Variants in AHCYL1 observed in about 807,000 individuals in gnomAD.
AHCYL1 encodes the protein adenosylhomocysteinase like 1, also known as S-adenosylhomocysteine hydrolase-like protein 1.
A neutral mutation model predicts 79.3 loss-of-function variants in AHCYL1; 20 were observed. That is an observed-to-expected ratio of 0.25 (90% CI 0.18 to 0.37). The LOEUF (loss-of-function observed/expected upper bound fraction) is 0.37, where lower values mean the gene tolerates loss of function less well. AHCYL1 is among the 10% of genes least tolerant of loss of function. The pLI, the probability that AHCYL1 is intolerant of heterozygous loss-of-function variation, is 1.00. For missense variants in AHCYL1, 330 were observed against 673.6 expected (o/e 0.49, Z 5.65); for synonymous variants, 223 against 242.2 (o/e 0.92, Z 0.74).
chr1:110,009,233 A>T, intron 2 of AHCYL1, 88 bp downstream of exon 2: 1 of 1,149,168 alleles, frequency 8.7e-7, no homozygotes, highest in Non-Finnish European at 1.3e-6. Flanking sequence ...AAAATACCTC[A>T]TGTTATGACT....
intron 3 of AHCYL1, among the ~76,000 whole-genome samples, chr1:110,012,032 C>T (rs2101729508): frequency 6.6e-6 from 1 of 152,358 alleles, no homozygotes; most frequent in African/African-American, 2.4e-5. Context: ...ATATAGGAAT[C>T]TATTAGCCAA....
At chr1:109,996,473 G>A (rs115785574) in intron 1 of AHCYL1, among the ~76,000 whole-genome samples, 1,685 of 152,302 alleles carry the variant, frequency 0.011, 18 homozygotes, top group South Asian at 0.042. Flanking sequence ...TGACATTCTT[G>A]TGAGGTTATT....
intron 15 of AHCYL1, among the ~76,000 whole-genome samples, chr1:110,020,411 C>T (rs1454828888): frequency 6.6e-6 from 1 of 152,064 alleles, no homozygotes; most frequent in Non-Finnish European, 1.5e-5. Context: ...GTAGGAGTAG[C>T]ATGTGACATG....
At chr1:109,991,073 TGA>T (rs1319012535) in intron 1 of AHCYL1, among the ~76,000 whole-genome samples, 1 of 152,218 alleles carries the variant, frequency 6.6e-6, no homozygotes, top group Non-Finnish European at 1.5e-5. Context: ...ATGCCTTTGT[TGA>T]GAGACTCAGA....
At chr1:110,018,734 A>C in intron 13 of AHCYL1, 84 bp downstream of exon 13, 1 of 1,241,920 alleles carries the variant, frequency 8.1e-7, no homozygotes, top group Admixed American at 2.1e-5. Flanking sequence ...AACAAATATT[A>C]GGCCTATGTT....
chr1:109,995,679 C>G, intron 1 of AHCYL1: 1 of 985,418 alleles, frequency 1.0e-6, no homozygotes, highest in Middle Eastern at 5.2e-4. Context: ...ATCAGCACTT[C>G]TCATTCTGTG....
At chr1:109,989,878 G>A (rs993410273) in intron 1 of AHCYL1, among the ~76,000 whole-genome samples, 3 of 152,200 alleles carry the variant, frequency 2.0e-5, no homozygotes, top group African/African-American at 4.8e-5. Flanking sequence ...GGCAACCTAC[G>A]TGCATAGACC....
Position 110,001,014 on chromosome 1 carries a change from A to G in AHCYL1, c.121-8020A>G, listed in dbSNP as rs1296816771. On this transcript the variant is annotated intron_variant, in intron 1 of 16. Transcript: ENST00000369799. ...GTAAGTGGGATTTCAAACTTCCTGT[A>G]CAATCAACTTTAAGTAAAAATCTTC... 3 of 949,274 alleles carry G rather than the reference A, an allele frequency of 3.2e-6. No homozygotes were observed. In the African/African-American group the frequency reaches 5.3e-5, roughly 17 times the overall value. The allele number at this position is 949,274 out of a possible 1,614,324, so 58.8% of individuals were successfully genotyped here. A position where few individuals can be genotyped will look rare whatever the true frequency, so the allele number is the denominator to read the frequency against.
At position 110,014,768 on chromosome 1, in the gene AHCYL1, G is replaced by T. The variant is rs368792573; in HGVS notation, c.586G>T (p.Ala196Ser). Residue 196 changes from alanine to serine, a missense_variant, in exon 6 of 17, where the codon GCA becomes TCA. This residue lies in a region of AHCYL1 where 25 missense variants were observed against 27.7 expected (regional missense o/e 0.90). Transcript: ENST00000369799. ...ATTCATTTCTGTCTCTACAGGAGTT[G>T]CAGTGTTCGCTTGGAAGGGCGAGTC... is the stretch of plus-strand genomic sequence containing the variant. ...VAAALAEAGV[A>S]VFAWKGESED... The T allele has an allele frequency of 1.2e-6, 2 of 1,613,672 alleles. No individual in the cohort carries two copies. The highest frequency in any genetic ancestry group is 1.7e-5 in the Admixed American group (1 of 60,008).
intron 1 of AHCYL1, among the ~76,000 whole-genome samples, chr1:110,008,507 G>C (rs1650809988): frequency 6.6e-6 from 1 of 152,092 alleles, no homozygotes; most frequent in Non-Finnish European, 1.5e-5. Context: ...ATAGACATAT[G>C]GTTGGGCTCT....
At chr1:110,012,549 G>A (rs768154031) in intron 4 of AHCYL1, 87 bp downstream of exon 4, 203 of 1,083,634 alleles carry the variant, frequency 1.9e-4, no homozygotes, top group Non-Finnish European at 2.4e-4. Context: ...TTCCTAACTC[G>A]CCAACCTCCA....
chr1:110,021,594 A>C, intron 16 of AHCYL1, 80 bp from the exon 17 acceptor site: 1 of 1,446,120 alleles, frequency 6.9e-7, no homozygotes, highest in Admixed American at 1.7e-5. Context: ...GCCCTGGAGA[A>C]GGTGCTCTGT....
intron 1 of AHCYL1, chr1:109,995,729 G>T: frequency 4.1e-6 from 4 of 978,550 alleles, no homozygotes; most frequent in Non-Finnish European, 4.9e-6. Context: ...GGGTTTTTTC[G>T]CAATAACTCA....
Position 110,023,473 on chromosome 1 carries a change from G to A in AHCYL1, c.*1793G>A, listed in dbSNP as rs895368565. 3.3e-5 allele frequency: 5 copies of A among 152,462 alleles called. No homozygotes were observed. Among genetic ancestry groups the A allele is most frequent in the African/African-American group, 1.2e-4 (5 of 41,364 alleles). The allele number at this position is 152,462 out of a possible 1,614,324, so 9.4% of individuals were successfully genotyped here. A position where few individuals can be genotyped will look rare whatever the true frequency, so the allele number is the denominator to read the frequency against. ...CACGTTAGCCCTGCTGGAGGGAAGG[G>A]ACCCACATTCACCTGCCCTCTGACC... On this transcript the variant is annotated 3_prime_UTR_variant, in exon 17 of 17. Transcript: ENST00000369799.
At chr1:110,000,888 A>G in intron 1 of AHCYL1, 4 of 901,066 alleles carry the variant, frequency 4.4e-6, no homozygotes, top group Non-Finnish European at 5.3e-6. Context: ...GAATGTTTTG[A>G]AAATACAAAC....
intron 9 of AHCYL1, among the ~76,000 whole-genome samples, chr1:110,017,246 C>T (rs1413108228): frequency 6.6e-6 from 1 of 152,124 alleles, no homozygotes; most frequent in Admixed American, 6.6e-5. Context: ...TCTTGTTTCC[C>T]TGATGAAAAC....
At chr1:110,014,222 A>C (rs1183053584) in intron 5 of AHCYL1, among the ~76,000 whole-genome samples, 1 of 152,200 alleles carries the variant, frequency 6.6e-6, no homozygotes, top group African/African-American at 2.4e-5. Context: ...AAAACCCTAC[A>C]ATCCCACTAC....
chr1:109,987,424 A>T (rs1649526710), intron 1 of AHCYL1, among the ~76,000 whole-genome samples: 1 of 152,200 alleles, frequency 6.6e-6, no homozygotes, highest in Admixed American at 6.5e-5. Flanking sequence ...ACCTATGAGA[A>T]TTCTACCCTG....
intron 4 of AHCYL1, among the ~76,000 whole-genome samples, chr1:110,012,681 G>GATTGCAATTGTTATAAACATATGCA (rs1459978203): frequency 2.0e-5 from 3 of 152,078 alleles, no homozygotes; most frequent in African/African-American, 7.2e-5. Flanking sequence ...GCAAACATAT[G>GATTGCAATTGTTATAAACATATGCA]ATTGTTATAA....
Sources: allele counts gnomAD v4.1 joint callset (sites outside exome capture counted in the v4.1 genomes callset), GRCh38; gene constraint gnomAD v4.1.1; regional missense constraint gnomAD v4.1.1; transcripts MANE v1.5; gene names NCBI Gene and HGNC (gene_info 2026-07-23, HGNC 2026-07-21).